SORCS1: variants seen among roughly 807,000 people sequenced by gnomAD.
SORCS1 encodes VPS10 domain-containing receptor SorCS1.
Under a neutral mutation model 146.1 loss-of-function variants are expected in SORCS1, and 60 were observed. The ratio of observed to expected loss-of-function variants is 0.41; its 90% CI spans 0.33 to 0.51. The LOEUF is 0.51. SORCS1 is among the 20% of genes least tolerant of loss of function. SORCS1 has a pLI of 0.21. For missense variants in SORCS1, 1,352 were observed against 1,487.6 expected (o/e 0.91, Z 1.50); for synonymous variants, 637 against 584.0 (o/e 1.09, Z -1.31).
At chr10:106,980,788 T>C (rs894475741) in intron 1 of SORCS1, among the ~76,000 whole-genome samples, 1 of 152,244 alleles carries the variant, frequency 6.6e-6, no homozygotes, top group Non-Finnish European at 1.5e-5. Flanking sequence ...GCAAAGGTCA[T>C]ATTTTCTAAG....
At chr10:106,952,850 G>A (rs1016599783) in intron 2 of SORCS1, among the ~76,000 whole-genome samples, 17 of 151,352 alleles carry the variant, frequency 1.1e-4, no homozygotes, top group Non-Finnish European at 2.4e-4. Context: ...TAGGGTAGTC[G>A]CAAATATTTG....
rs1252022463 is a variant in SORCS1, at chr10:106,603,792, G to A, written c.3165+3374C>T. 2.6e-5 allele frequency among the ~76,000 whole-genome samples: 4 copies of A among 152,310 alleles called. No individual in the cohort carries two copies. In the East Asian group the frequency reaches 7.7e-4, roughly 29 times the overall value. Reference sequence around the variant, plus strand: ...AATTTCTGTATAATTTATGATACCAGAAGTCAGTTGCGTTTGCCTCCCAGC... The same window carrying A: ...AATTTCTGTATAATTTATGATACCAAAAGTCAGTTGCGTTTGCCTCCCAGC... On this transcript the variant is annotated intron_variant, in intron 23 of 25. Coordinates refer to ENST00000263054, the MANE Select transcript of SORCS1 (RefSeq NM_052918.5).
rs557691619 is a variant in SORCS1, at chr10:107,019,246, C to G, written c.559-62666G>C. On this transcript the variant is annotated intron_variant, in intron 1 of 25. Transcript: ENST00000263054. ...TAAACATTTTTGAAAAATCAGATGT[C>G]ATAAACATTGCTTTTCAAGTTACTA... Among the ~76,000 whole-genome samples the G allele has an allele frequency of 4.3e-4, 65 of 152,226 alleles. 1 individual carries two copies. Among genetic ancestry groups the G allele is most frequent in the Admixed American group, 1.5e-3 (23 of 15,282 alleles).
At chr10:106,843,500 C>G (rs1009126757) in intron 2 of SORCS1, among the ~76,000 whole-genome samples, 1 of 141,330 alleles carries the variant, frequency 7.1e-6, no homozygotes. Flanking sequence ...GGCGCGATCT[C>G]GGCTCACTGC....
chr10:106,865,758 A>AAAAT (rs1233604015), intron 2 of SORCS1, among the ~76,000 whole-genome samples: 1 of 151,388 alleles, frequency 6.6e-6, no homozygotes, highest in Non-Finnish European at 1.5e-5. Flanking sequence ...AATAAAAATA[A>AAAAT]AAATAAATAA....
At chr10:106,658,864 T>C (rs1302197729) in intron 17 of SORCS1, among the ~76,000 whole-genome samples, 3 of 152,122 alleles carry the variant, frequency 2.0e-5, no homozygotes, top group African/African-American at 7.2e-5. Context: ...GAAAAAGCAG[T>C]AGTGGTGGCA....
At chr10:107,142,731 C>T (rs943150677) in intron 1 of SORCS1, among the ~76,000 whole-genome samples, 4 of 152,106 alleles carry the variant, frequency 2.6e-5, no homozygotes, top group African/African-American at 9.7e-5. Context: ...ATGCCATCAT[C>T]ACTAGATCAT....
chr10:106,752,319 T>A (rs971614744), intron 5 of SORCS1, among the ~76,000 whole-genome samples: 2 of 152,182 alleles, frequency 1.3e-5, no homozygotes, highest in Non-Finnish European at 2.9e-5. Flanking sequence ...ACAGGTGGGC[T>A]TTCGTATACG....
At chr10:106,998,158 G>T (rs559116049) in intron 1 of SORCS1, among the ~76,000 whole-genome samples, 1 of 152,154 alleles carries the variant, frequency 6.6e-6, no homozygotes, top group Non-Finnish European at 1.5e-5. Flanking sequence ...GTTTATATCC[G>T]CTGCTTTTAC....
chr10:106,724,637 G>C (rs1001880572), intron 6 of SORCS1, among the ~76,000 whole-genome samples: 7 of 152,148 alleles, frequency 4.6e-5, no homozygotes, highest in African/African-American at 1.7e-4. Context: ...AATGGAAACA[G>C]AAATTAAGTA....
intron 1 of SORCS1, among the ~76,000 whole-genome samples, chr10:106,967,001 T>A (rs1015452989): frequency 6.6e-6 from 1 of 152,202 alleles, no homozygotes; most frequent in African/African-American, 2.4e-5. Context: ...AAAACTAAAC[T>A]TGTCAAATCC....
intron 17 of SORCS1, among the ~76,000 whole-genome samples, chr10:106,657,659 ATATGTG>A (rs1316334634): frequency 4.5e-5 from 2 of 44,262 alleles, no homozygotes; most frequent in East Asian, 7.0e-4. Context: ...ATATAACACT[ATATGTG>A]TGTGTGTGTG....
At chr10:106,706,406 G>A (rs895000060) in intron 8 of SORCS1, 139 bp downstream of exon 8, 1 of 784,154 alleles carries the variant, frequency 1.3e-6, no homozygotes, top group Admixed American at 2.3e-5. Flanking sequence ...GTAAGGCAGA[G>A]CAAACTTGGG....
chr10:107,174,761 C>T, the SORCS1 span, among the ~76,000 whole-genome samples: 1 of 151,420 alleles, frequency 6.6e-6, no homozygotes, highest in East Asian at 1.9e-4. Flanking sequence ...ATATATCTAC[C>T]ATTGATTGGT....
chr10:106,909,559 G>A (rs1952052054), intron 2 of SORCS1, among the ~76,000 whole-genome samples: 1 of 152,114 alleles, frequency 6.6e-6, no homozygotes, highest in African/African-American at 2.4e-5. Context: ...ACAGCATATG[G>A]GCATGCCTTT....
chr10:106,690,341 T>A (rs965359739), intron 9 of SORCS1, among the ~76,000 whole-genome samples: 1 of 152,220 alleles, frequency 6.6e-6, no homozygotes, highest in African/African-American at 2.4e-5. Context: ...AAATGACAAA[T>A]GACCATGTCT....
At chr10:106,893,462 T>C (rs1564782823) in intron 2 of SORCS1, among the ~76,000 whole-genome samples, 1 of 152,206 alleles carries the variant, frequency 6.6e-6, no homozygotes, top group Non-Finnish European at 1.5e-5. Context: ...TCATAATTCA[T>C]GTATTATCTG....
intron 1 of SORCS1, among the ~76,000 whole-genome samples, chr10:107,130,769 T>A (rs1966858614): frequency 6.6e-6 from 1 of 152,192 alleles, no homozygotes; most frequent in African/African-American, 2.4e-5. Flanking sequence ...GATTACTCTT[T>A]TAATTGGAAT....
chr10:107,045,227 C>T (rs1004953821), intron 1 of SORCS1, among the ~76,000 whole-genome samples: 3 of 152,160 alleles, frequency 2.0e-5, no homozygotes, highest in Non-Finnish European at 4.4e-5. Flanking sequence ...GATTTACATA[C>T]ATCAAACACT....
Sources: gnomAD v4.1 joint callset for allele counts (sites outside exome capture counted in the v4.1 genomes callset) on GRCh38, gnomAD v4.1.1 for gene constraint, MANE v1.5 for transcripts, NCBI Gene and HGNC (gene_info 2026-07-23, HGNC 2026-07-21) for gene names.